The following GRID2 variants were observed in gnomAD, a reference collection of about 807,000 sequenced individuals.
GRID2 encodes the protein glutamate ionotropic receptor delta type subunit 2.
GRID2 carries 33 observed loss-of-function variants against 114.8 expected under a neutral mutation model. The ratio of observed to expected loss-of-function variants is 0.29; its 90% CI spans 0.22 to 0.38. The LOEUF (loss-of-function observed/expected upper bound fraction) is 0.38. Among genes scored for constraint, GRID2 ranks in the 10% least tolerant of loss-of-function variants. The pLI, the probability that GRID2 is intolerant of heterozygous loss-of-function variation, is 1.00. For missense variants in GRID2, 1,184 were observed against 1,257.7 expected, an observed-to-expected ratio of 0.94 and a Z score of 0.89; for synonymous variants, 505 against 449.9, an observed-to-expected ratio of 1.12 and a Z score of -1.55.
At chr4:93,453,269 GA>G (rs1302098779) in intron 10 of GRID2, among the ~76,000 whole-genome samples, 1 of 150,676 alleles carries the variant, frequency 6.6e-6, no homozygotes, top group Non-Finnish European at 1.5e-5. Flanking sequence ...CTGAAGGATG[GA>G]GTGAAGCACC....
intron 1 of GRID2, among the ~76,000 whole-genome samples, chr4:92,305,156 G>A (rs1725309709): frequency 6.6e-6 from 1 of 152,136 alleles, no homozygotes; most frequent in African/African-American, 2.4e-5. Flanking sequence ...TGTCACCTGT[G>A]AGATGAAAAG....
intron 1 of GRID2, among the ~76,000 whole-genome samples, chr4:92,536,242 A>T (rs1725624574): frequency 6.6e-6 from 1 of 152,098 alleles, no homozygotes; most frequent in African/African-American, 2.4e-5. Flanking sequence ...ACAATCCTTT[A>T]ACTAGACAGA....
Position 93,013,295 on chromosome 4 carries a change from T to G in GRID2, c.245-71700T>G, listed in dbSNP as rs967075230. On this transcript the variant is annotated intron_variant, in intron 2 of 15. Coordinates refer to ENST00000282020, the MANE Select transcript of GRID2 (RefSeq NM_001510.4). ...GAGTTTTATAGCCTTCTTTTGTTGG[T>G]TGAGTTTTTTTAATCTGTATTTATT... Among the ~76,000 whole-genome samples, 5 of 152,080 alleles carry G rather than the reference T, an allele frequency of 3.3e-5. No individual in the cohort carries two copies. In the East Asian group the frequency reaches 9.7e-4, roughly 29 times the overall value.
At chr4:93,149,102 C>T (rs1239318326) in intron 4 of GRID2, among the ~76,000 whole-genome samples, 1 of 151,956 alleles carries the variant, frequency 6.6e-6, no homozygotes, top group African/African-American at 2.4e-5. Flanking sequence ...GTTTGTGACC[C>T]CTCAGCAGCA....
chr4:92,519,453 C>T (rs988042548), intron 1 of GRID2, among the ~76,000 whole-genome samples: 6 of 151,432 alleles, frequency 4.0e-5, no homozygotes, highest in South Asian at 4.2e-4. Flanking sequence ...AGTAATTCAC[C>T]TAGAAAACGT....
At chr4:92,428,806 C>T (rs1732290661) in intron 1 of GRID2, among the ~76,000 whole-genome samples, 1 of 152,048 alleles carries the variant, frequency 6.6e-6, no homozygotes, top group African/African-American at 2.4e-5. Flanking sequence ...TATGCATGCA[C>T]AGTAGGTGTG....
chr4:92,426,855 A>G (rs1324442149), intron 1 of GRID2, among the ~76,000 whole-genome samples: 2 of 152,062 alleles, frequency 1.3e-5, no homozygotes, highest in Non-Finnish European at 2.9e-5. Context: ...CCTAGAAGAA[A>G]CCTTCCTAGA....
chr4:92,327,877 A>G (rs1339661442), intron 1 of GRID2, among the ~76,000 whole-genome samples: 1 of 152,016 alleles, frequency 6.6e-6, no homozygotes, highest in Non-Finnish European at 1.5e-5. Flanking sequence ...TAATACATGA[A>G]ATAGGAAGTT....
chr4:93,555,121 GAGA>G (rs1448251421), intron 13 of GRID2, among the ~76,000 whole-genome samples: 1 of 152,160 alleles, frequency 6.6e-6, no homozygotes, highest in Non-Finnish European at 1.5e-5. Flanking sequence ...TGCAGACCAG[GAGA>G]TTCCCTCGGG....
intron 1 of GRID2, among the ~76,000 whole-genome samples, chr4:92,580,736 A>AT (rs5860281): frequency 0.27 from 40,540 of 151,460 alleles, 5,578 homozygotes; most frequent in Middle Eastern, 0.37. Flanking sequence ...CAATTCTCAC[A>AT]TTTTTTTTGT....
chr4:92,743,647 T>A (rs1280475397), intron 2 of GRID2, among the ~76,000 whole-genome samples: 4 of 152,200 alleles, frequency 2.6e-5, no homozygotes, highest in African/African-American at 9.6e-5. Context: ...TGGATCTTCC[T>A]CTCTCAAAGA....
chr4:93,660,280 A>C (rs1723372546), intron 14 of GRID2, among the ~76,000 whole-genome samples: 1 of 152,202 alleles, frequency 6.6e-6, no homozygotes, highest in Non-Finnish European at 1.5e-5. Context: ...ATACCATTTT[A>C]AAGTGAAACC....
At chr4:93,178,410 T>TCC (rs1554002370) in intron 4 of GRID2, among the ~76,000 whole-genome samples, 163 of 135,178 alleles carry the variant, frequency 1.2e-3, no homozygotes, top group African/African-American at 4.9e-3. Context: ...TTTTTTTTTT[T>TCC]CCAGAGAGAG....
intron 2 of GRID2, among the ~76,000 whole-genome samples, chr4:92,891,548 C>T (rs918690337): frequency 6.6e-6 from 1 of 152,072 alleles, no homozygotes; most frequent in Non-Finnish European, 1.5e-5. Flanking sequence ...AGGTTGTCAC[C>T]TAGAGCTGAG....
intron 2 of GRID2, among the ~76,000 whole-genome samples, chr4:92,702,101 C>G (rs561029623): frequency 8.2e-4 from 125 of 152,198 alleles, no homozygotes; most frequent in African/African-American, 2.8e-3. Context: ...CCTACATGAT[C>G]TGAGTTCAGA....
chr4:92,903,201 C>T (rs916865726), intron 2 of GRID2, among the ~76,000 whole-genome samples: 5 of 151,200 alleles, frequency 3.3e-5, no homozygotes, highest in Non-Finnish European at 5.9e-5. Context: ...GGATATTTTT[C>T]CCATTTGTTC....
At chr4:93,654,463 A>C (rs969968890) in intron 14 of GRID2, among the ~76,000 whole-genome samples, 1 of 152,178 alleles carries the variant, frequency 6.6e-6, no homozygotes, top group African/African-American at 2.4e-5. Flanking sequence ...TTATGTTGTC[A>C]GTCACTTGCA....
intron 1 of GRID2, among the ~76,000 whole-genome samples, chr4:92,451,870 G>T (rs1373417615): frequency 6.6e-6 from 1 of 152,148 alleles, no homozygotes; most frequent in Non-Finnish European, 1.5e-5. Flanking sequence ...ATTAGACTTT[G>T]GGAGGGTCAC....
chr4:92,362,128 T>C (rs1728646760), intron 1 of GRID2, among the ~76,000 whole-genome samples: 1 of 152,044 alleles, frequency 6.6e-6, no homozygotes, highest in Admixed American at 6.6e-5. Context: ...ACAGTAGTTA[T>C]CATAGGAGCC....
Sources: allele counts gnomAD v4.1 joint callset (sites outside exome capture counted in the v4.1 genomes callset), GRCh38; gene constraint gnomAD v4.1.1; transcripts MANE v1.5; gene names NCBI Gene and HGNC (gene_info 2026-07-23, HGNC 2026-07-21).